Variants in ADK observed in about 807,000 individuals in gnomAD.
The protein encoded by ADK is N6,N6-dimethyladenosine kinase.
In ADK, 24 loss-of-function variants were observed where a neutral mutation model predicts 44.7. That is an observed-to-expected ratio of 0.54 (90% CI 0.39 to 0.76). The LOEUF (loss-of-function observed/expected upper bound fraction) is 0.76. ADK is among the 30% of genes least tolerant of loss of function. The pLI, the probability that ADK is intolerant of heterozygous loss-of-function variation, is 0.00. For missense variants in ADK, 321 were observed against 425.1 expected (o/e 0.76, Z 2.15); for synonymous variants, 128 against 142.6 (o/e 0.90, Z 0.73).
chr10:74,193,966 C>A (rs1253319073), intron 1 of ADK, among the ~76,000 whole-genome samples: 1 of 151,958 alleles, frequency 6.6e-6, no homozygotes, highest in Non-Finnish European at 1.5e-5. Context: ...CTAAAAAGTT[C>A]ATCAAAGGAC....
intron 7 of ADK, among the ~76,000 whole-genome samples, chr10:74,529,046 C>T (rs1849175195): frequency 6.6e-6 from 1 of 152,054 alleles, no homozygotes; most frequent in Non-Finnish European, 1.5e-5. Context: ...AAAGCAGGGA[C>T]TCAGATAATT....
intron 10 of ADK, among the ~76,000 whole-genome samples, chr10:74,685,603 T>C (rs1855757284): frequency 1.3e-5 from 2 of 152,242 alleles, no homozygotes; most frequent in African/African-American, 2.4e-5. Context: ...TTTTCACAAT[T>C]GTATTTAGAT....
At chr10:74,606,803 C>T (rs1360316912) in intron 9 of ADK, among the ~76,000 whole-genome samples, 2 of 151,980 alleles carry the variant, frequency 1.3e-5, no homozygotes, top group Non-Finnish European at 2.9e-5. Flanking sequence ...AATTTTTGGT[C>T]TCGTTGATCT....
rs191302512 is a variant in ADK, at chr10:74,649,347, C to A, written c.878-20836C>A. ...AAGTCTTTTAAATTCTACTGTCAGC[C>A]GGGCACAGTGTCTCACCCCTGTATT... On this transcript the variant is annotated intron_variant, in intron 9 of 10. Transcript: ENST00000539909. Among the ~76,000 whole-genome samples the A allele has an allele frequency of 1.1e-4, 17 of 152,120 alleles. No homozygotes were observed. The East Asian group carries it at 3.1e-3, about 28-fold the overall frequency.
At chr10:74,423,700 G>T in intron 6 of ADK, 1 of 442,236 alleles carries the variant, frequency 2.3e-6, no homozygotes, top group Non-Finnish European at 4.5e-6. Context: ...GACAATGTTG[G>T]GGCTGGCCTG....
intron 4 of ADK, among the ~76,000 whole-genome samples, chr10:74,389,540 G>T: frequency 6.7e-6 from 1 of 150,370 alleles, no homozygotes; most frequent in East Asian, 1.9e-4. Context: ...TCTTTACTGA[G>T]ATTATTAAGT....
At chr10:74,245,740 A>G (rs1845392314) in intron 3 of ADK, among the ~76,000 whole-genome samples, 1 of 151,768 alleles carries the variant, frequency 6.6e-6, no homozygotes, top group Admixed American at 6.6e-5. Flanking sequence ...ACAGGCATGC[A>G]CCATCACGCC....
chr10:74,151,715 G>T (rs1841596381), intron 1 of ADK, among the ~76,000 whole-genome samples: 1 of 152,232 alleles, frequency 6.6e-6, no homozygotes, highest in South Asian at 2.1e-4. Context: ...TGGCGGGAAA[G>T]AGGCTCGGCA....
In ADK at chr10:74,192,313, C is replaced by T. The variant is rs546163543; in HGVS notation, c.66-8451C>T. Among the ~76,000 whole-genome samples the T allele has an allele frequency of 2.0e-5, 3 of 152,030 alleles. No homozygotes were observed. In the East Asian group the frequency reaches 5.8e-4, roughly 29 times the overall value. On this transcript the variant is annotated intron_variant, in intron 1 of 10. Coordinates refer to ENST00000539909, the MANE Select transcript of ADK (RefSeq NM_006721.4). ...CGCGATCTTGGCTCACCACAACCTC[C>T]GCCTCCCGGGTTCAAGTGATTTTTC...
chr10:74,391,990 G>A (rs1172827988), intron 4 of ADK, among the ~76,000 whole-genome samples: 2 of 152,032 alleles, frequency 1.3e-5, no homozygotes, highest in African/African-American at 4.8e-5. Flanking sequence ...AACTTAGCAA[G>A]TTCTTGATGT....
intron 10 of ADK, among the ~76,000 whole-genome samples, chr10:74,702,573 TC>T (rs1856471202): frequency 7.7e-5 from 11 of 142,344 alleles, no homozygotes; most frequent in Admixed American, 2.2e-4. Context: ...CCTTCCTTCC[TC>T]TCTCTCTCTC....
rs564451380 is a variant in ADK at position 74,279,112 on chromosome 10, C to G, written c.195-35555C>G. Among the ~76,000 whole-genome samples the G allele has an allele frequency of 9.6e-4, 145 of 150,442 alleles. 1 individual carries two copies. Among genetic ancestry groups the G allele is most frequent in the African/African-American group, 3.0e-3 (123 of 40,876 alleles). On this transcript the variant is annotated intron_variant, in intron 3 of 10. Coordinates refer to ENST00000539909, the MANE Select transcript of ADK (RefSeq NM_006721.4). The stretch of plus-strand genomic sequence containing the variant: ...TGGCCAAGATGGTGAAACCTCATCT[C>G]TCCTAAAAATACAAAAATTAGCCGG...
intron 9 of ADK, among the ~76,000 whole-genome samples, chr10:74,647,002 G>C (rs944120857): frequency 2.0e-5 from 3 of 151,888 alleles, no homozygotes; most frequent in Non-Finnish European, 2.9e-5. Context: ...TTTGTGGTTA[G>C]AGTCTCCTCC....
At chr10:74,686,898 T>C (rs1216873426) in intron 10 of ADK, among the ~76,000 whole-genome samples, 2 of 152,046 alleles carry the variant, frequency 1.3e-5, no homozygotes, top group South Asian at 2.1e-4. Flanking sequence ...GGATGGTCTC[T>C]ATATCCTCAC....
chr10:74,489,775 A>T (rs2133387958), intron 6 of ADK, among the ~76,000 whole-genome samples: 1 of 152,044 alleles, frequency 6.6e-6, no homozygotes, highest in African/African-American at 2.4e-5. Flanking sequence ...ACCAATTTAT[A>T]TTTTCTGCAG....
chr10:74,256,255 C>CAT (rs1446184655), intron 3 of ADK, among the ~76,000 whole-genome samples: 1 of 152,184 alleles, frequency 6.6e-6, no homozygotes, highest in African/African-American at 2.4e-5. Context: ...CATGGAGCGC[C>CAT]ATGCTGAGAA....
At chr10:74,451,067 CT>C (rs35120068) in intron 6 of ADK, among the ~76,000 whole-genome samples, 1,114 of 72,202 alleles carry the variant, frequency 0.015, no homozygotes, top group African/African-American at 0.03. Flanking sequence ...GCTCTGCTGC[CT>C]TTTTTTTTTT....
chr10:74,413,106 C>T (rs1206237190), intron 6 of ADK, among the ~76,000 whole-genome samples: 1 of 151,778 alleles, frequency 6.6e-6, no homozygotes, highest in African/African-American at 2.4e-5. Flanking sequence ...ATGTGTTCAT[C>T]CAGGCTTTGT....
intron 6 of ADK, among the ~76,000 whole-genome samples, chr10:74,425,690 A>G (rs191568709): frequency 5.1e-4 from 78 of 152,330 alleles, no homozygotes; most frequent in African/African-American, 1.7e-3. Flanking sequence ...CTGAAGCTCA[A>G]TGCACAGGGC....
Sources: allele counts gnomAD v4.1 joint callset (sites outside exome capture counted in the v4.1 genomes callset), GRCh38; gene constraint gnomAD v4.1.1; transcripts MANE v1.5; gene names NCBI Gene and HGNC (gene_info 2026-07-23, HGNC 2026-07-21).